The following CTNNA1 variants were observed in gnomAD, a reference collection of about 807,000 sequenced individuals.
CTNNA1 encodes catenin alpha 1.
Under a neutral mutation model 98.4 loss-of-function variants are expected in CTNNA1, and 37 were observed. That is an observed-to-expected ratio of 0.38 (90% CI 0.29 to 0.49). The LOEUF is 0.49. CTNNA1 is among the 20% of genes least tolerant of loss of function. The pLI is 0.95. For missense variants in CTNNA1, 761 were observed against 1,147.2 expected, an observed-to-expected ratio of 0.66 and a Z score of 4.86; for synonymous variants, 404 against 413.2, an observed-to-expected ratio of 0.98 and a Z score of 0.27.
In CTNNA1 at chr5:138,904,403, C is replaced by T. The variant is rs201498915; in HGVS notation, c.1351C>T (p.Arg451Ter). Residue 451 changes from arginine to a stop codon, truncating the protein, a stop_gained, in exon 10 of 18, where the codon CGA (arginine) becomes TGA (stop). Coordinates refer to ENST00000302763, the MANE Select transcript of CTNNA1 (RefSeq NM_001903.5). LOFTEE classifies it high-confidence loss of function. ...SNNEEGVKLV[R>*]MSASQLEALC... ...TAATGAAGAAGGTGTAAAGCTTGTT[C>T]GAATGTCTGCAAGCCAGTTAGAAGC... 5 of 1,614,082 alleles carry T rather than the reference C, an allele frequency of 3.1e-6. No individual in the cohort carries two copies. The highest frequency in any genetic ancestry group is 4.2e-6 in the Non-Finnish European group (5 of 1,179,954).
rs199543351 is a variant in CTNNA1 at position 138,808,018 on chromosome 5, T to TG, written c.302-2017dup. On this transcript the variant is annotated intron_variant, in intron 3 of 17. Coordinates refer to ENST00000302763, the MANE Select transcript of CTNNA1 (RefSeq NM_001903.5). Reference sequence around the variant, plus strand: ...CACCCACCTCAGCCTCCCAAAGTGCTGGGATTACAGGTGTGAACTACCGTG... The same window carrying TG: ...CACCCACCTCAGCCTCCCAAAGTGCTGGGGATTACAGGTGTGAACTACCGTG... Among the ~76,000 whole-genome samples, 213 of 152,292 alleles carry TG rather than the reference T, an allele frequency of 1.4e-3. 3 individuals carry two copies. The East Asian group carries it at 0.037, about 27-fold the overall frequency.
At chr5:138,852,088 AT>A (rs1305465738) in intron 7 of CTNNA1, among the ~76,000 whole-genome samples, 1 of 152,192 alleles carries the variant, frequency 6.6e-6, no homozygotes, top group African/African-American at 2.4e-5. Flanking sequence ...TAAAAAATAA[AT>A]AAATAAATAA....
chr5:138,886,158 C>T (rs1753977378), intron 7 of CTNNA1, 54 bp from the exon 8 acceptor site: 7 of 1,581,790 alleles, frequency 4.4e-6, no homozygotes, highest in South Asian at 1.1e-5. Context: ...TATAGGCTAT[C>T]ATTAGGTTTC....
chr5:138,890,036 G>A (rs1581503303), intron 9 of CTNNA1, among the ~76,000 whole-genome samples: 1 of 152,292 alleles, frequency 6.6e-6, no homozygotes, highest in South Asian at 2.1e-4. Flanking sequence ...CATTGTGAGT[G>A]TTAATTTCTT....
chr5:138,801,152 A>G (rs1757535824), intron 3 of CTNNA1, among the ~76,000 whole-genome samples: 1 of 152,228 alleles, frequency 6.6e-6, no homozygotes, highest in African/African-American at 2.4e-5. Flanking sequence ...ATACTTGACC[A>G]TACTGCAATA....
At chr5:138,757,007 T>C (rs1172144857) in intron 1 of CTNNA1, among the ~76,000 whole-genome samples, 13 of 151,612 alleles carry the variant, frequency 8.6e-5, no homozygotes, top group African/African-American at 2.9e-4. Flanking sequence ...AAGACCAGCC[T>C]GAGCAACTTT....
At chr5:138,802,039 A>C (rs76430682) in intron 3 of CTNNA1, among the ~76,000 whole-genome samples, 1 of 152,218 alleles carries the variant, frequency 6.6e-6, no homozygotes, top group South Asian at 2.1e-4. Context: ...AAATAAGCGT[A>C]GATATTGGAT....
intron 3 of CTNNA1, among the ~76,000 whole-genome samples, chr5:138,788,671 G>T (rs1481596194): frequency 1.3e-5 from 2 of 152,192 alleles, no homozygotes; most frequent in Non-Finnish European, 2.9e-5. Context: ...CTTGAATAGG[G>T]CTCTGACCAG....
chr5:138,768,597 C>T (rs1340520284), intron 1 of CTNNA1, among the ~76,000 whole-genome samples: 7 of 110,794 alleles, frequency 6.3e-5, no homozygotes, highest in Non-Finnish European at 8.4e-5. Context: ...TGGAGTCTTG[C>T]TGTGTTGCTT....
chr5:138,898,106 T>C (rs941429455), intron 9 of CTNNA1, among the ~76,000 whole-genome samples: 5 of 152,118 alleles, frequency 3.3e-5, no homozygotes, highest in African/African-American at 1.2e-4. Context: ...TTTGTGATAG[T>C]GAGTTCTTAT....
intron 3 of CTNNA1, among the ~76,000 whole-genome samples, chr5:138,808,820 C>G (rs954512372): frequency 8.6e-5 from 13 of 151,850 alleles, no homozygotes; most frequent in Admixed American, 2.6e-4. Flanking sequence ...AAGATAGTCT[C>G]CATAGAGGCC....
At chr5:138,876,791 ACT>A (rs1751666275) in intron 7 of CTNNA1, among the ~76,000 whole-genome samples, 1 of 152,018 alleles carries the variant, frequency 6.6e-6, no homozygotes. Context: ...GAGCTGTGAG[ACT>A]CCAAGGTCCC....
intron 5 of CTNNA1, among the ~76,000 whole-genome samples, chr5:138,815,469 T>TA (rs1366684904): frequency 1.1e-4 from 17 of 152,000 alleles, no homozygotes. Flanking sequence ...GCTAGGGTGT[T>TA]ACTCTTAGGC....
At chr5:138,854,752 G>GTAGAA (rs934842976) in intron 7 of CTNNA1, among the ~76,000 whole-genome samples, 3 of 152,032 alleles carry the variant, frequency 2.0e-5, no homozygotes, top group Admixed American at 2.0e-4. Flanking sequence ...CTTATTCTCT[G>GTAGAA]TAGACACTGT....
At chr5:138,911,990 AAG>A (rs1212148742) in intron 10 of CTNNA1, among the ~76,000 whole-genome samples, 2 of 152,224 alleles carry the variant, frequency 1.3e-5, no homozygotes, top group East Asian at 3.8e-4. Flanking sequence ...GGTTTGGGGA[AAG>A]AGATAAGTTT....
Position 138,912,338 on chromosome 5 carries a change from G to T in CTNNA1, c.1390-5404G>T, listed in dbSNP as rs182024075. 4.4e-3 allele frequency among the ~76,000 whole-genome samples: 674 copies of T among 152,264 alleles called. 10 individuals are homozygous for T. The highest frequency in any genetic ancestry group is 0.01 in the African/African-American group (435 of 41,540). On this transcript the variant is annotated intron_variant, in intron 10 of 17. Transcript: ENST00000302763. ...GGGAAGAGTAGAAAGAGGAGAGAAG[G>T]CAGCATAGGACTGAGCTTTGAGGAA...
chr5:138,815,900 C>T (rs558839374), intron 5 of CTNNA1, among the ~76,000 whole-genome samples: 56 of 152,142 alleles, frequency 3.7e-4, no homozygotes, highest in Middle Eastern at 3.4e-3. Context: ...TTCCAGTAGA[C>T]GAATGCTTTT....
At chr5:138,833,197 C>G (rs943457795) in intron 7 of CTNNA1, among the ~76,000 whole-genome samples, 2 of 152,166 alleles carry the variant, frequency 1.3e-5, no homozygotes, top group Non-Finnish European at 2.9e-5. Flanking sequence ...TTGAAATGAA[C>G]TCCATTTGGT....
intron 1 of CTNNA1, among the ~76,000 whole-genome samples, chr5:138,776,911 A>T (rs1459031153): frequency 2.2e-5 from 2 of 88,984 alleles, no homozygotes; most frequent in South Asian, 8.2e-4. Flanking sequence ...TGACCCCCCC[A>T]CCTCCCTCCC....
Sources: gnomAD v4.1 joint callset for allele counts (sites outside exome capture counted in the v4.1 genomes callset) on GRCh38, gnomAD v4.1.1 for gene constraint, MANE v1.5 for transcripts, NCBI Gene and HGNC (gene_info 2026-07-23, HGNC 2026-07-21) for gene names.